The following ANK3 variants were observed in gnomAD, a reference collection of about 807,000 sequenced individuals.
ANK3 encodes the protein ankyrin 3, also known as ankyrin-3.
ANK3 carries 57 observed loss-of-function variants against 370.9 expected under a neutral mutation model. That is an observed-to-expected ratio of 0.15 (90% CI 0.12 to 0.19). ANK3 has a LOEUF of 0.19. ANK3 is among the 10% of genes least tolerant of loss of function. ANK3 has a pLI of 1.00. For missense variants in ANK3, 4,439 were observed against 5,302.1 expected (o/e 0.84, Z 5.06); for synonymous variants, 1,929 against 1,946.3 (o/e 0.99, Z 0.23).
chr10:60,251,943 G>C (rs947163233), intron 7 of ANK3, among the ~76,000 whole-genome samples: 2 of 152,162 alleles, frequency 1.3e-5, no homozygotes, highest in African/African-American at 4.8e-5. Flanking sequence ...ACCTGCATCT[G>C]GGCTTCAGCC....
At chr10:60,336,043 T>G (rs929682963) in intron 1 of ANK3, among the ~76,000 whole-genome samples, 1 of 151,718 alleles carries the variant, frequency 6.6e-6, no homozygotes, top group Non-Finnish European at 1.5e-5. Context: ...ATGCGGAAGT[T>G]TGATGATCAC....
intron 25 of ANK3, among the ~76,000 whole-genome samples, chr10:60,133,841 C>T (rs530092668): frequency 6.6e-6 from 1 of 152,138 alleles, no homozygotes; most frequent in East Asian, 1.9e-4. Flanking sequence ...ATCACTTGAG[C>T]CCAGGAGGCA....
rs1269949186 is a variant in ANK3, at chr10:60,027,080, A to G, written c.*2766T>C. On this transcript the variant is annotated 3_prime_UTR_variant, in exon 44 of 44. Transcript: ENST00000280772. ...ACTTATGACCTCCTGCTTGATCGGA[A>G]CCAAAGCATATCACATATACCTAAA... 1 of 152,038 alleles carries G rather than the reference A, an allele frequency of 6.6e-6. No homozygotes were observed. The highest frequency in any genetic ancestry group is 1.5e-5 in the Non-Finnish European group (1 of 68,018). 9.4% of individuals were successfully genotyped at this position (152,038 alleles called of 1,614,324 possible).
chr10:60,539,142 T>C lies in ANK3; in HGVS notation c.96+76044A>G, dbSNP rs1468719461. 2.6e-5 allele frequency among the ~76,000 whole-genome samples: 4 copies of C among 151,922 alleles called. No individual in the cohort carries two copies. The South Asian group carries it at 6.2e-4, about 24-fold the overall frequency. On this transcript the variant is annotated intron_variant, in intron 2 of 43. Coordinates refer to the ANK3 transcript ENST00000373827. ...AAAACAGGATATGAGTAAAAAAAAA[T>C]GAAACTACCATTAATACTTGAAATG...
chr10:60,691,979 T>C (rs2079360084), intron 1 of ANK3, among the ~76,000 whole-genome samples: 2 of 151,694 alleles, frequency 1.3e-5, no homozygotes, highest in African/African-American at 4.9e-5. Context: ...CAAGAATAGA[T>C]AGCCTTAGCT....
intron 28 of ANK3, among the ~76,000 whole-genome samples, chr10:60,100,731 T>A (rs558039515): frequency 6.6e-6 from 1 of 152,322 alleles, no homozygotes; most frequent in South Asian, 2.1e-4. Context: ...AGACAGCGAT[T>A]GGGATTTTTA....
chr10:60,658,950 G>A (rs188359182), intron 1 of ANK3, among the ~76,000 whole-genome samples: 5 of 151,656 alleles, frequency 3.3e-5, no homozygotes, highest in African/African-American at 1.2e-4. Flanking sequence ...AGAAAAAAGA[G>A]GCAGGCAGGA....
At chr10:60,606,046 A>C (rs925141879) in intron 2 of ANK3, among the ~76,000 whole-genome samples, 1 of 152,192 alleles carries the variant, frequency 6.6e-6, no homozygotes, top group African/African-American at 2.4e-5. Context: ...GGAAAAAAAT[A>C]AAAATGTAGC....
At chr10:60,242,771 C>A (rs962857857) in intron 7 of ANK3, among the ~76,000 whole-genome samples, 1 of 152,170 alleles carries the variant, frequency 6.6e-6, no homozygotes, top group East Asian at 1.9e-4. Context: ...TATTTCATAT[C>A]TTTTGTCTCA....
intron 1 of ANK3, among the ~76,000 whole-genome samples, chr10:60,364,737 T>C (rs948935336): frequency 7.1e-6 from 1 of 140,462 alleles, no homozygotes; most frequent in African/African-American, 2.4e-5. Context: ...AATATAGCCA[T>C]AGAGCCTACT....
chr10:60,089,536 T>C (rs1182935290), intron 28 of ANK3, among the ~76,000 whole-genome samples: 1 of 151,964 alleles, frequency 6.6e-6, no homozygotes, highest in Non-Finnish European at 1.5e-5. Flanking sequence ...AGCCAAATTT[T>C]ATGCATAATT....
At chr10:60,439,447 C>T (rs2064240055) in intron 2 of ANK3, among the ~76,000 whole-genome samples, 1 of 151,898 alleles carries the variant, frequency 6.6e-6, no homozygotes, top group African/African-American at 2.4e-5. Context: ...CGCTTGAGGC[C>T]AGGAGTTCGA....
intron 8 of ANK3, among the ~76,000 whole-genome samples, chr10:60,214,878 G>C (rs1041018950): frequency 6.6e-6 from 1 of 152,168 alleles, no homozygotes; most frequent in Admixed American, 6.5e-5. Flanking sequence ...TATATACCCA[G>C]TAATGGGATT....
intron 41 of ANK3, 137 bp downstream of exon 41, chr10:60,059,203 G>A: frequency 2.9e-6 from 2 of 682,926 alleles, no homozygotes; most frequent in East Asian, 2.6e-5. Context: ...TTAGCATAAT[G>A]AACTGGTCTT....
At chr10:60,525,228 T>C (rs1197114946) in intron 2 of ANK3, among the ~76,000 whole-genome samples, 3 of 152,064 alleles carry the variant, frequency 2.0e-5, no homozygotes, top group East Asian at 1.9e-4. Context: ...TAAACATCCA[T>C]CTTGAAAAGA....
At chr10:60,374,504 G>A (rs555248841) in intron 1 of ANK3, among the ~76,000 whole-genome samples, 1 of 152,254 alleles carries the variant, frequency 6.6e-6, no homozygotes, top group East Asian at 1.9e-4. Context: ...GACCCACAGT[G>A]ACAAAGTAGG....
chr10:60,429,111 C>G (rs1012129839), intron 2 of ANK3, among the ~76,000 whole-genome samples: 1 of 152,114 alleles, frequency 6.6e-6, no homozygotes, highest in African/African-American at 2.4e-5. Flanking sequence ...TATTTTATGA[C>G]AGGCAAAAAC....
chr10:60,041,949 G>T (rs1389078781), intron 43 of ANK3, among the ~76,000 whole-genome samples: 1 of 77,852 alleles, frequency 1.3e-5, no homozygotes, highest in Non-Finnish European at 2.9e-5. Context: ...AAGAAGACTG[G>T]TGGTGAACTA....
chr10:60,342,817 T>C (rs902663996), intron 1 of ANK3, among the ~76,000 whole-genome samples: 10 of 152,116 alleles, frequency 6.6e-5, no homozygotes, highest in African/African-American at 2.2e-4. Context: ...GTCATTGAGA[T>C]AACTTGTGAA....
Sources: gnomAD v4.1 joint callset for allele counts (sites outside exome capture counted in the v4.1 genomes callset) on GRCh38, gnomAD v4.1.1 for gene constraint, MANE v1.5 for transcripts, NCBI Gene and HGNC (gene_info 2026-07-23, HGNC 2026-07-21) for gene names.